KCNMB3: variants seen among roughly 807,000 people sequenced by gnomAD.
KCNMB3 encodes calcium-activated potassium channel subunit beta-3.
KCNMB3 carries 18 observed loss-of-function variants against 11.9 expected under a neutral mutation model. The observed-to-expected ratio is 1.51, with a 90% CI of 1.04 to 2.23. KCNMB3 has a LOEUF of 2.23. KCNMB3 is among the 30% of genes most tolerant of loss of function. The pLI, the probability that KCNMB3 is intolerant of heterozygous loss-of-function variation, is 0.00. For synonymous variants in KCNMB3, 78 were observed against 119.2 expected, an observed-to-expected ratio of 0.65 and a Z score of 2.25; for missense variants, 247 against 329.4, an observed-to-expected ratio of 0.75 and a Z score of 1.94.
intron 1 of KCNMB3, chr3:179,258,901 T>A: frequency 6.2e-7 from 1 of 1,605,392 alleles, no homozygotes; most frequent in Non-Finnish European, 8.5e-7. Flanking sequence ...GATCACCTGG[T>A]GATTGGCATA....
chr3:179,252,377 A>G (rs1725875882), upstream of KCNMB3, among the ~76,000 whole-genome samples: 2 of 152,230 alleles, frequency 1.3e-5, no homozygotes, highest in Admixed American at 6.5e-5. Flanking sequence ...ACTGCATTTT[A>G]AAGTCAAGCA....
rs1244832185 is a variant in KCNMB3 at position 179,258,958 on chromosome 3, G to C, written c.62+7691C>G. 4 of 1,613,890 alleles carry C rather than the reference G, an allele frequency of 2.5e-6. No homozygotes were observed. In the African/African-American group the frequency reaches 5.3e-5, roughly 22 times the overall value. ...GAACATTCTACTTACATTGGCAGTG[G>C]AGAGAAAAGAGCCCCTCACACTCAG... On this transcript the variant is annotated intron_variant, in intron 1 of 3. Transcript: ENST00000349697.
At chr3:179,250,598 G>C in intron 1 of KCNMB3, 145 bp downstream of exon 1, 1 of 842,656 alleles carries the variant, frequency 1.2e-6, no homozygotes, top group South Asian at 1.7e-5. Flanking sequence ...AGCACTGACA[G>C]CGGAAGAGGA....
chr3:179,266,867 G>A lies in KCNMB3; in HGVS notation c.-157C>T. On this transcript the variant is annotated 5_prime_UTR_variant, in exon 1 of 4. Transcript: ENST00000349697. ...CCATTAGAAGCCCCCCGCCTTCCTG[G>A]AGAGGTGAGAACTTCAGGCAGGCTA... 3 of 1,434,174 alleles carry A rather than the reference G, an allele frequency of 2.1e-6. No individual in the cohort carries two copies. In the South Asian group the frequency reaches 4.5e-5, roughly 22 times the overall value. 88.8% of individuals were successfully genotyped at this position (1,434,174 alleles called of 1,614,324 possible).
intron 1 of KCNMB3, among the ~76,000 whole-genome samples, chr3:179,262,361 T>G (rs564428651): frequency 1.3e-5 from 2 of 152,172 alleles, no homozygotes; most frequent in Admixed American, 6.5e-5. Context: ...GTGAGTGTTA[T>G]AGCTCTTAAG....
intron 1 of KCNMB3, among the ~76,000 whole-genome samples, chr3:179,262,562 G>A (rs1726252947): frequency 6.6e-6 from 1 of 152,234 alleles, no homozygotes. Context: ...AGGGACCTGA[G>A]CAGGTTGCCA....
In KCNMB3 at chr3:179,244,649, A is replaced by G; in HGVS notation, c.293T>C (p.Ile98Thr). Residue 98 changes from isoleucine (I) to threonine (T), a missense_variant, in exon 2 of 3, where the codon ATC (isoleucine) becomes ACC (threonine). Physicochemically the swap from Ile to Thr is moderately conservative, Grantham distance 89. Transcript: ENST00000392685. The stretch of plus-strand genomic sequence containing the variant: ...GGCACAGTCCAGCCAGTCGTCCATG[A>G]TATCTGTGTGGATGGCAGTGCAGGT... ...ESTCTAIHTDIMDDWLDCAFT... is the reference protein window; with the variant it reads ...ESTCTAIHTDTMDDWLDCAFT... The G allele has an allele frequency of 1.2e-6, 2 of 1,614,022 alleles. No homozygotes were observed. Among genetic ancestry groups the G allele is most frequent in the South Asian group, 2.2e-5 (2 of 91,076 alleles).
chr3:179,251,182 G>T, upstream of KCNMB3: 1 of 1,607,200 alleles, frequency 6.2e-7, no homozygotes, highest in Non-Finnish European at 8.5e-7. Flanking sequence ...GTTGCCTCAT[G>T]CAAGTCTGTA....
In KCNMB3 at chr3:179,243,255, A is replaced by G; in HGVS notation, c.477T>C (p.Asp159=). The G allele has an allele frequency of 3.1e-6, 4 of 1,302,454 alleles. No homozygotes were observed. The highest frequency in any genetic ancestry group is 3.8e-4 in the Middle Eastern group (2 of 5,302). The allele number at this position is 1,302,454 out of a possible 1,614,324, so 80.7% of individuals were successfully genotyped here. The change falls in exon 3 of 3, where the codon GAT becomes GAC. Residue 159 remains aspartate (D), a synonymous_variant. Transcript: ENST00000392685. Reference sequence around the variant, plus strand: ...GAGCACTGTTGAGCAAATCATTTCTATCTTGGTGGCACTTAGGTGTGTAAA... The same window carrying G: ...GAGCACTGTTGAGCAAATCATTTCTGTCTTGGTGGCACTTAGGTGTGTAAA... ...KCFYTPKCHQ[D]RNDLLNSALD... is the part of the protein sequence containing the mutation.
chr3:179,240,738 T>C (rs1725433978), downstream of KCNMB3: 1 of 152,064 alleles, frequency 6.6e-6, no homozygotes, highest in South Asian at 2.1e-4. Flanking sequence ...CTGTGGTAAT[T>C]GAAACACACG....
At chr3:179,249,353 A>C (rs1237831440) in intron 1 of KCNMB3, among the ~76,000 whole-genome samples, 1 of 150,538 alleles carries the variant, frequency 6.6e-6, no homozygotes, top group Non-Finnish European at 1.5e-5. Flanking sequence ...AAGCTAGAGA[A>C]AAGAAAATGT....
At chr3:179,258,585 A>G (rs1726099494) in intron 1 of KCNMB3, among the ~76,000 whole-genome samples, 1 of 152,242 alleles carries the variant, frequency 6.6e-6, no homozygotes, top group Admixed American at 6.5e-5. Flanking sequence ...ATATATGAAC[A>G]AGACATTAAT....
intron 1 of KCNMB3, chr3:179,260,415 C>T (rs779473731): frequency 4.3e-5 from 70 of 1,613,614 alleles, no homozygotes; most frequent in Non-Finnish European, 5.8e-5. Context: ...GGTATTCTCA[C>T]CAGCAGTGAA....
At chr3:179,259,429 C>T (rs1364393055) in intron 1 of KCNMB3, 4 of 1,608,192 alleles carry the variant, frequency 2.5e-6, no homozygotes, top group Middle Eastern at 1.7e-4. Context: ...GTGTCTCTAC[C>T]AGCTAGTACC....
At chr3:179,264,170 CT>C (rs1045134526) in intron 1 of KCNMB3, among the ~76,000 whole-genome samples, 1 of 152,096 alleles carries the variant, frequency 6.6e-6, no homozygotes, top group Non-Finnish European at 1.5e-5. Flanking sequence ...TTAATCTTAT[CT>C]TTTTCACTTA....
chr3:179,254,536 C>T (rs111506534), upstream of KCNMB3, among the ~76,000 whole-genome samples: 5 of 152,226 alleles, frequency 3.3e-5, no homozygotes, highest in African/African-American at 7.2e-5. Context: ...ATAGGCCAGG[C>T]GCAATGGCTC....
At chr3:179,266,666 G>A (rs1248239088) in exon 1 of KCNMB3, 1 of 1,614,030 alleles carries the variant, frequency 6.2e-7, no homozygotes, top group Non-Finnish European at 8.5e-7. Flanking sequence ...GGCGCCTCCG[G>A]CTGCCCTGAA....
upstream of KCNMB3, among the ~76,000 whole-genome samples, chr3:179,255,531 T>A (rs985810992): frequency 6.6e-6 from 1 of 152,136 alleles, no homozygotes; most frequent in African/African-American, 2.4e-5. Context: ...AGCCAGAGTA[T>A]AATACAGAGA....
At chr3:179,260,675 T>G (rs1726177270) in intron 1 of KCNMB3, 4 of 1,362,652 alleles carry the variant, frequency 2.9e-6, no homozygotes, top group East Asian at 2.3e-5. Context: ...TATTTCTGAA[T>G]TTAGGATTAT....
Sources: gnomAD v4.1 joint callset for allele counts (sites outside exome capture counted in the v4.1 genomes callset) on GRCh38, gnomAD v4.1.1 for gene constraint, MANE v1.5 for transcripts, NCBI Gene and HGNC (gene_info 2026-07-23, HGNC 2026-07-21) for gene names.